The following FANK1 variants were observed in gnomAD, a reference collection of about 807,000 sequenced individuals.
FANK1 encodes the protein fibronectin type 3 and ankyrin repeat domains protein 1.
In FANK1, 44 loss-of-function variants were observed where a neutral mutation model predicts 45.3. The ratio of observed to expected loss-of-function variants is 0.97; its 90% confidence interval spans 0.76 to 1.25. The LOEUF (loss-of-function observed/expected upper bound fraction) is 1.25, where lower values mean the gene tolerates loss of function less well. Among genes scored for constraint, FANK1 ranks in the 50% most tolerant of loss-of-function variants. The pLI is 0.00. For missense variants in FANK1, 391 were observed against 424.4 expected (o/e 0.92, Z 0.69); for synonymous variants, 149 against 152.5 (o/e 0.98, Z 0.17).
At chr10:125,901,087 C>A (rs1944998784) in intron 1 of FANK1, among the ~76,000 whole-genome samples, 1 of 152,048 alleles carries the variant, frequency 6.6e-6, no homozygotes, top group Admixed American at 6.6e-5. Context: ...GGACTGCCTA[C>A]TGGGCTCACG....
At position 125,922,999 on chromosome 10, in the gene FANK1, G is replaced by T. The variant is rs532861277; in HGVS notation, c.13+26344G>T. 1.0e-3 allele frequency among the ~76,000 whole-genome samples: 155 copies of T among 151,930 alleles called. 1 individual carries two copies. Among genetic ancestry groups the T allele is most frequent in the African/African-American group, 3.5e-3 (147 of 41,462 alleles). The stretch of plus-strand genomic sequence containing the variant: ...TTAGTGGCAGAGTTTTTTTTGTTTG[G>T]TTGGTTGGTTTCTCTTTTTCTTGTA... On this transcript the variant is annotated intron_variant, in intron 1 of 10. Coordinates refer to ENST00000368693, the MANE Select transcript of FANK1 (RefSeq NM_145235.5).
At chr10:125,993,174 T>C (rs1952062918) in intron 3 of FANK1, among the ~76,000 whole-genome samples, 1 of 152,222 alleles carries the variant, frequency 6.6e-6, no homozygotes, top group South Asian at 2.1e-4. Context: ...CTACACATTG[T>C]ACAACTTAGT....
intron 1 of FANK1, among the ~76,000 whole-genome samples, chr10:125,956,296 A>C (rs1342185651): frequency 1.3e-5 from 2 of 152,114 alleles, no homozygotes; most frequent in Non-Finnish European, 2.9e-5. Context: ...TTTATTGAGC[A>C]CTTCACTTTG....
chr10:125,975,940 G>T (rs550826577), intron 1 of FANK1, among the ~76,000 whole-genome samples: 1 of 152,256 alleles, frequency 6.6e-6, no homozygotes, highest in Non-Finnish European at 1.5e-5. Flanking sequence ...GTGTGTTTAA[G>T]TGTATTTTTG....
At chr10:125,914,035 ATCTC>A (rs1487621402) in intron 1 of FANK1, among the ~76,000 whole-genome samples, 1 of 152,010 alleles carries the variant, frequency 6.6e-6, no homozygotes, top group Non-Finnish European at 1.5e-5. Context: ...TATCATGGGA[ATCTC>A]TCTCTACCTG....
At chr10:125,964,628 G>A (rs1950112911) in intron 1 of FANK1, among the ~76,000 whole-genome samples, 1 of 152,150 alleles carries the variant, frequency 6.6e-6, no homozygotes. Context: ...GTATGCTAAT[G>A]TTTGATTATT....
At chr10:125,942,731 A>T (rs1948529445) in intron 1 of FANK1, among the ~76,000 whole-genome samples, 1 of 152,030 alleles carries the variant, frequency 6.6e-6, no homozygotes, top group Non-Finnish European at 1.5e-5. Flanking sequence ...TATCAAATCT[A>T]CAAGCTTATT....
chr10:125,962,109 A>G (rs1206536851), intron 1 of FANK1, among the ~76,000 whole-genome samples: 1 of 152,238 alleles, frequency 6.6e-6, no homozygotes, highest in African/African-American at 2.4e-5. Flanking sequence ...TAATATCCAG[A>G]ATATCCAAGG....
chr10:125,996,930 A>G (rs1952375396), intron 5 of FANK1, among the ~76,000 whole-genome samples: 1 of 152,036 alleles, frequency 6.6e-6, no homozygotes, highest in South Asian at 2.1e-4. Flanking sequence ...TTTAAGATGT[A>G]GAGAGAGGGA....
intron 1 of FANK1, chr10:125,974,792 TTGTAAACTGCTGAAAAC>T (rs1950753174): frequency 6.6e-6 from 1 of 152,236 alleles, no homozygotes; most frequent in Non-Finnish European, 1.5e-5. Context: ...TTTTGTTTTG[TTGTAAACTGCTGAAAAC>T]TGTAGTAATG....
chr10:125,999,101 G>T (rs1418486667), intron 6 of FANK1, among the ~76,000 whole-genome samples: 1 of 151,988 alleles, frequency 6.6e-6, no homozygotes, highest in Admixed American at 6.5e-5. Flanking sequence ...ATTTTTTAAC[G>T]TAACATTTTC....
At chr10:125,920,547 A>G (rs911454243) in intron 1 of FANK1, among the ~76,000 whole-genome samples, 4 of 152,224 alleles carry the variant, frequency 2.6e-5, no homozygotes, top group Non-Finnish European at 4.4e-5. Flanking sequence ...AGGAGGCCAC[A>G]TAAACATTTC....
intron 1 of FANK1, among the ~76,000 whole-genome samples, chr10:125,964,828 A>T (rs1950122965): frequency 1.3e-5 from 2 of 152,044 alleles, no homozygotes; most frequent in African/African-American, 4.8e-5. Context: ...CCCAATTTAT[A>T]CTCTACTGGC....
intron 1 of FANK1, among the ~76,000 whole-genome samples, chr10:125,912,292 G>A (rs1349579689): frequency 2.0e-5 from 3 of 152,194 alleles, no homozygotes; most frequent in Non-Finnish European, 4.4e-5. Flanking sequence ...AGCACAAACT[G>A]TAACTCAAGT....
chr10:125,959,300 G>C (rs1015538287), intron 1 of FANK1, among the ~76,000 whole-genome samples: 1 of 148,952 alleles, frequency 6.7e-6, no homozygotes, highest in African/African-American at 2.5e-5. Context: ...ACATATCACA[G>C]TTACTTGGGA....
At chr10:125,911,723 C>G (rs1946027639) in intron 1 of FANK1, among the ~76,000 whole-genome samples, 1 of 152,184 alleles carries the variant, frequency 6.6e-6, no homozygotes, top group Non-Finnish European at 1.5e-5. Context: ...TTTTACTGTT[C>G]TGCTAGTAAA....
intron 1 of FANK1, among the ~76,000 whole-genome samples, chr10:125,957,821 G>T (rs1004763654): frequency 6.6e-6 from 1 of 151,946 alleles, no homozygotes; most frequent in African/African-American, 2.4e-5. Context: ...CACCATGCCC[G>T]GCCTTGCCTT....
chr10:125,997,274 T>A lies in FANK1; in HGVS notation c.474-146T>A, dbSNP rs1952404531. On this transcript the variant is annotated intron_variant, in intron 5 of 10. Coordinates refer to ENST00000368693, the MANE Select transcript of FANK1 (RefSeq NM_145235.5). ...GTTTTCTGGTTTAATGGTGCCTGGT[T>A]TTAAAACCAGCTGGCTTCTGAAGGT... 1.7e-5 allele frequency: 9 copies of A among 520,118 alleles called. No individual in the cohort carries two copies. The South Asian group carries it at 3.2e-4, about 18-fold the overall frequency. 32.2% of individuals were successfully genotyped at this position (520,118 alleles called of 1,614,324 possible). A position where few individuals can be genotyped will look rare whatever the true frequency, so the allele number is the denominator to read the frequency against.
chr10:125,988,919 C>T, intron 3 of FANK1: 1 of 623,346 alleles, frequency 1.6e-6, no homozygotes, highest in South Asian at 1.8e-5. Flanking sequence ...AGTAGCCATT[C>T]AGCACAAAAG....
Sources: gnomAD v4.1 joint callset for allele counts (sites outside exome capture counted in the v4.1 genomes callset) on GRCh38, gnomAD v4.1.1 for gene constraint, MANE v1.5 for transcripts, NCBI Gene and HGNC (gene_info 2026-07-23, HGNC 2026-07-21) for gene names.